The following PSMD6 variants were observed in gnomAD, a reference collection of about 807,000 sequenced individuals.
The protein encoded by PSMD6 is 26S proteasome non-ATPase regulatory subunit 6.
A neutral mutation model predicts 44.9 loss-of-function variants in PSMD6; 7 were observed. The observed-to-expected ratio is 0.16, with a 90% CI of 0.09 to 0.29. The LOEUF (loss-of-function observed/expected upper bound fraction) is 0.29, where lower values mean the gene tolerates loss of function less well. Among genes scored for constraint, PSMD6 ranks in the 10% least tolerant of loss-of-function variants. PSMD6 has a pLI of 1.00. For missense variants in PSMD6, 420 were observed against 482.6 expected, an observed-to-expected ratio of 0.87 and a Z score of 1.21; for synonymous variants, 184 against 172.7, an observed-to-expected ratio of 1.07 and a Z score of -0.51.
intron 6 of PSMD6, 98 bp downstream of exon 6, chr3:64,013,341 T>A: frequency 8.0e-7 from 1 of 1,247,366 alleles, no homozygotes; most frequent in South Asian, 1.6e-5. Context: ...CCGTTAAGAT[T>A]GAGGGAACCA....
chr3:64,013,697 C>G, intron 5 of PSMD6, 90 bp from the exon 6 acceptor site: 1 of 1,167,336 alleles, frequency 8.6e-7, no homozygotes, highest in Non-Finnish European at 1.2e-6. Flanking sequence ...TTGAGTCCAA[C>G]AGATAGATGA....
intron 6 of PSMD6, chr3:64,012,458 G>T (rs988411452): frequency 6.6e-6 from 1 of 152,176 alleles, no homozygotes; most frequent in Non-Finnish European, 1.5e-5. Flanking sequence ...GGTCCTCTCT[G>T]CCACCTTACT....
In PSMD6 at chr3:64,023,446, G is replaced by C. The variant is rs748285062; in HGVS notation, c.-27C>G. On this transcript the variant is annotated 5_prime_UTR_variant, in exon 1 of 8. Transcript: ENST00000295901. Reference sequence around the variant, plus strand: ...GCGGCGAAGGGGACAGCGGCTGACAGGACACAACTTGGTTACGACCGGCTG... The same window carrying C: ...GCGGCGAAGGGGACAGCGGCTGACACGACACAACTTGGTTACGACCGGCTG... 1 of 1,569,518 alleles carries C rather than the reference G, an allele frequency of 6.4e-7. No individual in the cohort carries two copies. The highest frequency in any genetic ancestry group is 1.1e-5 in the South Asian group (1 of 88,092).
At chr3:64,013,112 A>C (rs1406881337) in intron 6 of PSMD6, 2 of 198,452 alleles carry the variant, frequency 1.0e-5, no homozygotes, top group Non-Finnish European at 2.0e-5. Context: ...TAAATATCAG[A>C]TCTAAGAGTC....
chr3:64,013,708 A>C, intron 5 of PSMD6, 101 bp from the exon 6 acceptor site: 1 of 1,086,710 alleles, frequency 9.2e-7, no homozygotes, highest in South Asian at 2.0e-5. Context: ...AGATAGATGA[A>C]CAAGTATCAA....
rs1404598641 is a variant in PSMD6 at position 64,018,848 on chromosome 3, A to T, written c.687T>A (p.Ile229=). The change falls in exon 4 of 8, where the codon ATT becomes ATA. Residue 229 remains isoleucine, a synonymous_variant. Coordinates refer to ENST00000295901, the MANE Select transcript of PSMD6 (RefSeq NM_014814.3). The stretch of plus-strand genomic sequence containing the variant: ...CCCTGAGATCTGGTCTTTCTAAGGC[A>T]ATCATACTGACATAGACAGTATAAG... ...FVTYTVYVSM[I]ALERPDLREK... The T allele has an allele frequency of 1.9e-6, 3 of 1,591,884 alleles. No individual in the cohort carries two copies. Among genetic ancestry groups the T allele is most frequent in the South Asian group, 1.1e-5 (1 of 90,552 alleles).
At position 64,019,108 on chromosome 3, in the gene PSMD6, T is replaced by C. The variant is rs998459275; in HGVS notation, c.498-71A>G. The stretch of plus-strand genomic sequence containing the variant: ...CCACGTTTTAAAAACTTGTCTGTTA[T>C]TTGAAATGAGAAAACAACTTTTAAC... On this transcript the variant is annotated intron_variant, in intron 3 of 7. Coordinates refer to ENST00000295901, the MANE Select transcript of PSMD6 (RefSeq NM_014814.3). 1.6e-5 allele frequency: 23 copies of C among 1,461,786 alleles called. No individual in the cohort carries two copies. In the Middle Eastern group the frequency reaches 7.1e-4, roughly 45 times the overall value. 90.6% of individuals were successfully genotyped at this position (1,461,786 alleles called of 1,614,324 possible).
chr3:64,018,553 G>A lies in PSMD6; in HGVS notation c.826+46C>T, dbSNP rs533219598. The A allele has an allele frequency of 2.9e-6, 4 of 1,376,806 alleles. No homozygotes were observed. The East Asian group carries it at 6.9e-5, about 24-fold the overall frequency. The allele number at this position is 1,376,806 out of a possible 1,614,324, so 85.3% of individuals were successfully genotyped here. On this transcript the variant is annotated intron_variant, in intron 5 of 7. Coordinates refer to ENST00000295901, the MANE Select transcript of PSMD6 (RefSeq NM_014814.3). ...TTAGGTTATTTGCACATAGGATCAG[G>A]AGTAAGATGAAGACAGATAATCAAA...
rs976618021 is a variant in PSMD6 at position 64,023,487 on chromosome 3, G to T, written c.-68C>A. The T allele has an allele frequency of 2.7e-6, 4 of 1,485,788 alleles. No individual in the cohort carries two copies. Among genetic ancestry groups the T allele is most frequent in the Admixed American group, 2.2e-5 (1 of 45,434 alleles). 92.0% of individuals were successfully genotyped at this position (1,485,788 alleles called of 1,614,324 possible). ...CGACCGGCTGCGGCAGCGGAAGCGG[G>T]AGGAGTCGGCGAATACGCCCGGCCG... On this transcript the variant is annotated 5_prime_UTR_variant, in exon 1 of 8. Coordinates refer to ENST00000295901, the MANE Select transcript of PSMD6 (RefSeq NM_014814.3).
At chr3:64,023,605 C>T (rs1375956547), upstream of PSMD6, 1 of 1,416,176 alleles carries the variant, frequency 7.1e-7, no homozygotes, top group Non-Finnish European at 9.2e-7. Context: ...GCCTGCGCCC[C>T]TGTGTGGTCA....
chr3:64,022,235 T>C (rs1384773206), intron 2 of PSMD6, 83 bp downstream of exon 2: 9 of 1,460,566 alleles, frequency 6.2e-6, no homozygotes, highest in Non-Finnish European at 8.4e-6. Flanking sequence ...GAAGTTAATT[T>C]TTTTAATGAG....
At chr3:64,013,728 T>G in intron 5 of PSMD6, 121 bp from the exon 6 acceptor site, 2 of 877,596 alleles carry the variant, frequency 2.3e-6, no homozygotes, top group Non-Finnish European at 3.2e-6. Flanking sequence ...AATTTCTCAC[T>G]GCCCTTCCAC....
chr3:64,021,138 A>G (rs911735105), intron 2 of PSMD6, among the ~76,000 whole-genome samples: 1 of 152,370 alleles, frequency 6.6e-6, no homozygotes, highest in African/African-American at 2.4e-5. Flanking sequence ...CTAGAGAAAC[A>G]CTAGCATATA....
intron 1 of PSMD6, chr3:64,022,958 T>A: frequency 7.0e-7 from 1 of 1,424,936 alleles, no homozygotes; most frequent in Non-Finnish European, 9.3e-7. Flanking sequence ...CCGGGAGCAG[T>A]CCCCACTGAC....
chr3:64,013,635 A>G (rs760112398), intron 5 of PSMD6, 28 bp from the exon 6 acceptor site: 13 of 1,576,926 alleles, frequency 8.2e-6, no homozygotes, highest in African/African-American at 1.4e-5. Flanking sequence ...ACAAATTATA[A>G]TAGACTCTCC....
chr3:64,011,286 C>CTAAAACAAAATTA (rs1298662233), intron 6 of PSMD6: 1 of 187,632 alleles, frequency 5.3e-6, no homozygotes, highest in African/African-American at 2.3e-5. Context: ...AACAAAAGAC[C>CTAAAACAAAATTA]TAAAACAAAA....
At chr3:64,018,033 T>C (rs1232154362) in intron 5 of PSMD6, among the ~76,000 whole-genome samples, 1 of 152,190 alleles carries the variant, frequency 6.6e-6, no homozygotes, top group Non-Finnish European at 1.5e-5. Flanking sequence ...TTTGAAGGAA[T>C]ACAATTACGT....
upstream of PSMD6, chr3:64,023,498 G>T: frequency 6.9e-7 from 1 of 1,452,684 alleles, no homozygotes; most frequent in Non-Finnish European, 9.1e-7. Context: ...AGGAGTCGGC[G>T]AATACGCCCG....
intron 5 of PSMD6, 55 bp from the exon 6 acceptor site, chr3:64,013,662 TTAAAAAC>T (rs1244457673): frequency 1.3e-6 from 2 of 1,484,434 alleles, no homozygotes; most frequent in Non-Finnish European, 1.8e-6. Context: ...GATAAAAAGA[TTAAAAAC>T]TAAAGCAACA....
Sources: allele counts gnomAD v4.1 joint callset (sites outside exome capture counted in the v4.1 genomes callset), GRCh38; gene constraint gnomAD v4.1.1; transcripts MANE v1.5; gene names NCBI Gene and HGNC (gene_info 2026-07-23, HGNC 2026-07-21).